ZFHX3: variants seen among roughly 807,000 people sequenced by gnomAD.
ZFHX3 encodes zinc finger homeobox 3.
ZFHX3 carries 42 observed loss-of-function variants against 279.1 expected under a neutral mutation model. The ratio of observed to expected loss-of-function variants is 0.15; its 90% confidence interval spans 0.12 to 0.19. ZFHX3 has a LOEUF of 0.19. Ranked by LOEUF, ZFHX3 falls within the 10% of genes least tolerant of loss-of-function variation. ZFHX3 has a pLI of 1.00. For synonymous variants in ZFHX3, 2,293 were observed against 1,957.8 expected, an observed-to-expected ratio of 1.17 and a Z score of -4.52; for missense variants, 4,981 against 4,754.0, an observed-to-expected ratio of 1.05 and a Z score of -1.40.
Position 72,929,945 on chromosome 16 carries a change from C to T in ZFHX3, c.3216+20524G>A, listed in dbSNP as rs143682166. ...CTTAAAAAAGAAAACAGGCTGGGCG[C>T]GGTGGCTCACGCCTGTAATCCCAGC... On this transcript the variant is annotated intron_variant, in intron 3 of 9. Coordinates refer to ENST00000268489, the MANE Select transcript of ZFHX3 (RefSeq NM_006885.4). 1.0e-3 allele frequency among the ~76,000 whole-genome samples: 156 copies of T among 152,314 alleles called. 1 individual carries two copies. The highest frequency in any genetic ancestry group is 2.7e-3 in the African/African-American group (114 of 41,566).
chr16:72,910,602 A>G (rs1224324430), intron 3 of ZFHX3, among the ~76,000 whole-genome samples: 2 of 152,214 alleles, frequency 1.3e-5, no homozygotes, highest in African/African-American at 4.8e-5. Context: ...GCAGCGTGGC[A>G]GATGGCTTTC....
intron 3 of ZFHX3, among the ~76,000 whole-genome samples, chr16:72,945,793 G>T (rs778379584): frequency 1.3e-5 from 2 of 152,064 alleles, no homozygotes; most frequent in African/African-American, 4.8e-5. Flanking sequence ...AAGGCAGGAC[G>T]GGAGGGAGGA....
chr16:72,804,418 C>T (rs1431319166), intron 7 of ZFHX3, among the ~76,000 whole-genome samples: 1 of 152,094 alleles, frequency 6.6e-6, no homozygotes, highest in Non-Finnish European at 1.5e-5. Flanking sequence ...GTTGCAGACT[C>T]CTAGGAAAAT....
chr16:73,287,774 G>A (rs2014663858), intron 4 of ZFHX3, among the ~76,000 whole-genome samples: 1 of 142,744 alleles, frequency 7.0e-6, no homozygotes, highest in South Asian at 2.2e-4. Context: ...GTGGGTGTGT[G>A]GGTAAGTGTG....
chr16:72,849,853 C>G (rs1175742081), intron 4 of ZFHX3, among the ~76,000 whole-genome samples: 9 of 85,132 alleles, frequency 1.1e-4, no homozygotes, highest in South Asian at 4.6e-4. Flanking sequence ...ACTTGGAGTT[C>G]ACCTACCAAA....
In ZFHX3 at chr16:73,622,280, C is replaced by T. The variant is rs1378449549; in HGVS notation, c.-1547+57900G>A. Reference sequence around the variant, plus strand: ...TCTCTGTAAGAAAGGAATATGGGGCCGGGCACAGGGGCTCACGCCTGTAAT... The same window carrying T: ...TCTCTGTAAGAAAGGAATATGGGGCTGGGCACAGGGGCTCACGCCTGTAAT... On this transcript the variant is annotated intron_variant, in intron 2 of 17. Transcript: ENST00000641206. Among the ~76,000 whole-genome samples the T allele has an allele frequency of 2.0e-5, 3 of 152,140 alleles. No individual in the cohort carries two copies. In the East Asian group the frequency reaches 5.8e-4, roughly 29 times the overall value.
rs775224005 is a variant in ZFHX3 at position 72,795,450 on chromosome 16, G to T, written c.7232C>A (p.Ala2411Glu). 6.2e-7 allele frequency: 1 copy of T among 1,614,140 alleles called. No homozygotes were observed. The highest frequency in any genetic ancestry group is 2.2e-5 in the East Asian group (1 of 44,868). ...TASSAFLQLT[A>E]EAEELATFNS... ...GAAGGTGGCCAGTTCCTCAGCCTCC[G>T]CTGTAAGCTGCAAGAAAGCGGAGGA... The change falls in exon 9 of 10, where the codon GCG becomes GAG. Residue 2411 changes from alanine (A) to glutamate (E), a missense_variant. Physicochemically the swap from Ala to Glu is moderately radical, Grantham distance 107. Coordinates refer to ENST00000268489, the MANE Select transcript of ZFHX3 (RefSeq NM_006885.4).
At chr16:73,478,083 C>G (rs1333294976) in intron 2 of ZFHX3, among the ~76,000 whole-genome samples, 1 of 151,916 alleles carries the variant, frequency 6.6e-6, no homozygotes, top group Non-Finnish European at 1.5e-5. Context: ...ACATCCTGGC[C>G]AACATGGTGA....
At chr16:73,720,189 G>C (rs575894771) in intron 1 of ZFHX3, among the ~76,000 whole-genome samples, 1 of 152,218 alleles carries the variant, frequency 6.6e-6, no homozygotes, top group South Asian at 2.1e-4. Flanking sequence ...AATCTCTAGT[G>C]TGGAAAAAGA....
intron 1 of ZFHX3, among the ~76,000 whole-genome samples, chr16:73,805,307 T>C (rs183927928): frequency 4.9e-4 from 75 of 152,276 alleles, no homozygotes; most frequent in African/African-American, 1.7e-3. Context: ...TAGCTGGGAT[T>C]ACAGGCACCT....
intron 3 of ZFHX3, among the ~76,000 whole-genome samples, chr16:72,946,346 G>A (rs1486915606): frequency 6.6e-6 from 1 of 152,158 alleles, no homozygotes; most frequent in African/African-American, 2.4e-5. Flanking sequence ...AACCCTCCTT[G>A]TACAGTATTT....
chr16:73,844,102 C>A (rs895727465), intron 1 of ZFHX3, among the ~76,000 whole-genome samples: 2 of 152,004 alleles, frequency 1.3e-5, no homozygotes, highest in African/African-American at 2.4e-5. Context: ...CAGTTCTAAG[C>A]GACTATACTT....
chr16:73,460,143 T>C (rs1213102361), intron 2 of ZFHX3, among the ~76,000 whole-genome samples: 1 of 152,210 alleles, frequency 6.6e-6, no homozygotes, highest in Non-Finnish European at 1.5e-5. Context: ...CCTTAACCCT[T>C]GGCAACTACT....
intron 2 of ZFHX3, among the ~76,000 whole-genome samples, chr16:73,535,650 T>C (rs1473286028): frequency 6.6e-6 from 1 of 151,686 alleles, no homozygotes; most frequent in Non-Finnish European, 1.5e-5. Context: ...CTGCCTGTGG[T>C]GCCCATCACC....
At chr16:73,161,857 A>T (rs970260524) in intron 5 of ZFHX3, among the ~76,000 whole-genome samples, 15 of 152,202 alleles carry the variant, frequency 9.9e-5, no homozygotes, top group African/African-American at 3.6e-4. Flanking sequence ...TCCTAGACTT[A>T]CTGAAACTTC....
At chr16:73,546,443 G>A (rs1204840017) in intron 2 of ZFHX3, among the ~76,000 whole-genome samples, 4 of 148,838 alleles carry the variant, frequency 2.7e-5, no homozygotes, top group Non-Finnish European at 5.9e-5. Flanking sequence ...TTATTAAGAG[G>A]ACAGAGTTGG....
chr16:72,940,405 G>C (rs1225570196), intron 3 of ZFHX3, among the ~76,000 whole-genome samples: 1 of 152,100 alleles, frequency 6.6e-6, no homozygotes, highest in Non-Finnish European at 1.5e-5. Flanking sequence ...TGAGGGCTGG[G>C]GTCTGAACCC....
At chr16:73,428,443 C>T (rs1310658163) in intron 3 of ZFHX3, among the ~76,000 whole-genome samples, 1 of 152,126 alleles carries the variant, frequency 6.6e-6, no homozygotes, top group Non-Finnish European at 1.5e-5. Flanking sequence ...GAAGAAAACA[C>T]CTCCCCGCGC....
At position 73,618,494 on chromosome 16, in the gene ZFHX3, T is replaced by C. The variant is rs536667240; in HGVS notation, c.-1547+61686A>G. Among the ~76,000 whole-genome samples the C allele has an allele frequency of 5.3e-5, 8 of 152,320 alleles. No homozygotes were observed. The South Asian group carries it at 1.7e-3, about 32-fold the overall frequency. On this transcript the variant is annotated intron_variant, in intron 2 of 17. Transcript: ENST00000641206. ...AAGCTTAGAAAATTTCAGTAACTTA[T>C]CCAAGTTTCCACAGCTCATAATGAC...
Sources: gnomAD v4.1 joint callset for allele counts (sites outside exome capture counted in the v4.1 genomes callset) on GRCh38, gnomAD v4.1.1 for gene constraint, MANE v1.5 for transcripts, NCBI Gene and HGNC (gene_info 2026-07-23, HGNC 2026-07-21) for gene names.